CEP135: variants seen among roughly 807,000 people sequenced by gnomAD.
CEP135 encodes centrosomal protein of 135 kDa.
CEP135 carries 142 observed loss-of-function variants against 157.3 expected under a neutral mutation model. The ratio of observed to expected loss-of-function variants is 0.90; its 90% CI spans 0.79 to 1.04. CEP135 has a LOEUF of 1.04. Ranked by LOEUF, CEP135 falls within the 50% of genes least tolerant of loss-of-function variation. The pLI, the probability that CEP135 is intolerant of heterozygous loss-of-function variation, is 0.00. For missense variants in CEP135, 1,317 were observed against 1,309.2 expected, an observed-to-expected ratio of 1.01 and a Z score of -0.09; for synonymous variants, 396 against 439.8, an observed-to-expected ratio of 0.90 and a Z score of 1.25.
At chr4:55,992,331 G>C (rs147016388) in intron 15 of CEP135, among the ~76,000 whole-genome samples, 10 of 152,296 alleles carry the variant, frequency 6.6e-5, no homozygotes, top group Admixed American at 6.5e-4. Flanking sequence ...AAATTTCACA[G>C]ATTAATATGA....
At chr4:56,011,168 G>A (rs1730569744) in intron 19 of CEP135, among the ~76,000 whole-genome samples, 1 of 152,122 alleles carries the variant, frequency 6.6e-6, no homozygotes, top group Admixed American at 6.6e-5. Flanking sequence ...CCAGAAGGTC[G>A]AGGCTGCAGT....
intron 17 of CEP135, 60 bp from the exon 18 acceptor site, chr4:56,008,267 C>T: frequency 8.1e-7 from 1 of 1,233,864 alleles, no homozygotes; most frequent in Admixed American, 1.8e-5. Context: ...TGACAAGTTA[C>T]ATAAATTTAG....
chr4:55,984,837 C>T (rs529538315), intron 13 of CEP135, among the ~76,000 whole-genome samples: 5 of 152,258 alleles, frequency 3.3e-5, no homozygotes, highest in East Asian at 1.9e-4. Flanking sequence ...TATTGAAACT[C>T]GCATCTCTTG....
intron 22 of CEP135, among the ~76,000 whole-genome samples, 169 bp downstream of exon 22, chr4:56,018,026 C>T (rs1730840930): frequency 6.6e-6 from 1 of 151,856 alleles, no homozygotes. Flanking sequence ...TTCAGTGGTG[C>T]GATCTCAACT....
At chr4:55,969,960 A>G (rs1463123757) in intron 9 of CEP135, among the ~76,000 whole-genome samples, 1 of 151,300 alleles carries the variant, frequency 6.6e-6, no homozygotes, top group Non-Finnish European at 1.5e-5. Context: ...GCAGCCTTGA[A>G]CCCCTGGTGC....
chr4:55,968,320 TAA>T (rs1041624901), intron 8 of CEP135, among the ~76,000 whole-genome samples: 20 of 150,218 alleles, frequency 1.3e-4, no homozygotes, highest in Admixed American at 1.2e-3. Flanking sequence ...CCAATATTGT[TAA>T]AGTGTCCATA....
intron 13 of CEP135, 40 bp downstream of exon 13, chr4:55,981,419 GA>G: frequency 6.5e-7 from 1 of 1,530,894 alleles, no homozygotes; most frequent in African/African-American, 1.4e-5. Flanking sequence ...AATTTGTTGA[GA>G]AAAAGAGGTC....
intron 9 of CEP135, 72 bp downstream of exon 9, chr4:55,969,200 A>G: frequency 4.1e-6 from 5 of 1,234,072 alleles, no homozygotes; most frequent in East Asian, 2.4e-5. Context: ...AGGTGGGTTT[A>G]TCACCTGAGG....
intron 24 of CEP135, among the ~76,000 whole-genome samples, chr4:56,022,610 C>G (rs1731007457): frequency 6.6e-6 from 1 of 152,006 alleles, no homozygotes; most frequent in Non-Finnish European, 1.5e-5. Flanking sequence ...CTGAAGAACT[C>G]AAGTTCTTTA....
chr4:56,029,529 G>A (rs1438302980), intron 25 of CEP135, among the ~76,000 whole-genome samples: 6 of 152,152 alleles, frequency 3.9e-5, no homozygotes, highest in Admixed American at 3.9e-4. Flanking sequence ...AATATATACA[G>A]TCATGCATTG....
intron 25 of CEP135, among the ~76,000 whole-genome samples, chr4:56,030,399 C>T (rs1731299396): frequency 6.6e-6 from 1 of 152,058 alleles, no homozygotes; most frequent in Admixed American, 6.6e-5. Context: ...TGTCATTGAC[C>T]AAAATATCAT....
chr4:55,985,456 T>A (rs1359713436), intron 14 of CEP135, 98 bp downstream of exon 14: 1 of 387,074 alleles, frequency 2.6e-6, no homozygotes, highest in Non-Finnish European at 4.3e-6. Context: ...ATTTTATTTT[T>A]ATTTTTATTT....
chr4:55,992,918 C>T (rs748320555), intron 15 of CEP135, among the ~76,000 whole-genome samples: 7 of 151,996 alleles, frequency 4.6e-5, no homozygotes, highest in South Asian at 4.2e-4. Flanking sequence ...TAATGAAGGT[C>T]GGAATAAGGG....
At chr4:56,009,229 T>G (rs1165010731) in intron 18 of CEP135, among the ~76,000 whole-genome samples, 2 of 152,202 alleles carry the variant, frequency 1.3e-5, no homozygotes, top group African/African-American at 2.4e-5. Context: ...TGGGGCGATC[T>G]CGGCTCATTG....
Position 55,965,712 on chromosome 4 carries a change from A to G in CEP135, c.897A>G (p.Glu299=). The G allele has an allele frequency of 6.2e-7, 1 of 1,613,996 alleles. No individual in the cohort carries two copies. Residue 299 remains glutamate, a synonymous_variant, in exon 8 of 26, where the codon GAA becomes GAG. Transcript: ENST00000257287. ...KRIRELMETK[E]TVTSEVVNLS... is the part of the protein sequence containing the mutation. The stretch of plus-strand genomic sequence containing the variant: ...TACGAGAGCTTATGGAAACCAAGGA[A>G]ACAGTGACATCTGAAGTCGTTAATT...
At chr4:55,982,201 C>T (rs1340147889) in intron 13 of CEP135, among the ~76,000 whole-genome samples, 2 of 152,080 alleles carry the variant, frequency 1.3e-5, no homozygotes, top group South Asian at 2.1e-4. Context: ...TTGAATCACT[C>T]GATATGTGAT....
chr4:56,009,646 C>A (rs1730497305), intron 18 of CEP135, 89 bp from the exon 19 acceptor site: 1 of 1,131,098 alleles, frequency 8.8e-7, no homozygotes, highest in Non-Finnish European at 1.3e-6. Flanking sequence ...TATTTGTATT[C>A]TAAGTATACT....
intron 14 of CEP135, among the ~76,000 whole-genome samples, chr4:55,988,274 T>A (rs1295726900): frequency 1.3e-5 from 2 of 152,028 alleles, no homozygotes. Context: ...AAAATTTACT[T>A]GAAAGCAAAA....
rs377086001 is a variant in CEP135, at chr4:56,003,460, G to A, written c.2280+3815G>A. Among the ~76,000 whole-genome samples, 14 of 152,214 alleles carry A rather than the reference G, an allele frequency of 9.2e-5. No homozygotes were observed. The East Asian group carries it at 2.5e-3, about 27-fold the overall frequency. On this transcript the variant is annotated intron_variant, in intron 17 of 25. Coordinates refer to ENST00000257287, the MANE Select transcript of CEP135 (RefSeq NM_025009.5). ...CCTGACCTACTGATCCGCCCGCCTC[G>A]GCCTTCCAAAGTGCTGGGATTAGAG...
Sources: allele counts gnomAD v4.1 joint callset (sites outside exome capture counted in the v4.1 genomes callset), GRCh38; gene constraint gnomAD v4.1.1; transcripts MANE v1.5; gene names NCBI Gene and HGNC (gene_info 2026-07-23, HGNC 2026-07-21).